Variants in ANO4 observed in about 807,000 individuals in gnomAD.
ANO4 encodes anoctamin-4.
A neutral mutation model predicts 141.9 loss-of-function variants in ANO4; 69 were observed. The observed-to-expected ratio is 0.49, with a 90% CI of 0.40 to 0.59. The LOEUF (loss-of-function observed/expected upper bound fraction) is 0.59. Among genes scored for constraint, ANO4 ranks in the 20% least tolerant of loss-of-function variants. The pLI, the probability that ANO4 is intolerant of heterozygous loss-of-function variation, is 0.00. For synonymous variants in ANO4, 350 were observed against 394.3 expected (o/e 0.89, Z 1.33); for missense variants, 894 against 1,162.2 (o/e 0.77, Z 3.36).
chr12:100,992,993 A>C (rs2136359593), intron 8 of ANO4, among the ~76,000 whole-genome samples: 1 of 152,206 alleles, frequency 6.6e-6, no homozygotes, highest in South Asian at 2.1e-4. Flanking sequence ...GGAATTCAAG[A>C]CCAGCCTAGG....
chr12:100,855,056 A>G (rs774048355), intron 1 of ANO4, among the ~76,000 whole-genome samples: 28 of 152,160 alleles, frequency 1.8e-4, no homozygotes, highest in Admixed American at 5.2e-4. Context: ...GTCTAAATCT[A>G]AAGTCCATTT....
intron 1 of ANO4, among the ~76,000 whole-genome samples, chr12:100,836,597 G>A (rs971973601): frequency 1.2e-4 from 18 of 150,316 alleles, no homozygotes; most frequent in African/African-American, 2.7e-4. Context: ...AGTGTGATAC[G>A]GGCTGTGATA....
chr12:101,009,839 A>G (rs1234527220), intron 8 of ANO4, among the ~76,000 whole-genome samples: 1 of 151,746 alleles, frequency 6.6e-6, no homozygotes, highest in Non-Finnish European at 1.5e-5. Flanking sequence ...TGGAATTCCT[A>G]TTTTTCAGTT....
chr12:100,800,706 G>A (rs1415074703), intron 1 of ANO4, among the ~76,000 whole-genome samples: 1 of 152,168 alleles, frequency 6.6e-6, no homozygotes, highest in African/African-American at 2.4e-5. Context: ...ATCTTAAACT[G>A]ACAGCCTGGA....
intron 26 of ANO4, among the ~76,000 whole-genome samples, chr12:101,124,166 G>T (rs2051210886): frequency 6.6e-6 from 1 of 152,110 alleles, no homozygotes; most frequent in Non-Finnish European, 1.5e-5. Flanking sequence ...CATTCTGACT[G>T]GTGTAAGATG....
At chr12:100,997,265 C>T (rs1455632522) in intron 8 of ANO4, among the ~76,000 whole-genome samples, 1 of 139,004 alleles carries the variant, frequency 7.2e-6, no homozygotes, top group African/African-American at 2.7e-5. Context: ...ACCCTGGAGG[C>T]GGAGGTTGCA....
intron 4 of ANO4, among the ~76,000 whole-genome samples, chr12:100,941,568 TTATC>T (rs1457160945): frequency 1.3e-5 from 2 of 152,170 alleles, no homozygotes. Context: ...TATAATTTAT[TTATC>T]TATTTATTGT....
intron 1 of ANO4, among the ~76,000 whole-genome samples, chr12:100,812,553 A>G (rs1309944058): frequency 6.6e-6 from 1 of 152,166 alleles, no homozygotes; most frequent in Non-Finnish European, 1.5e-5. Context: ...GAAGTAAAGA[A>G]GAGGTGGGAA....
At chr12:101,000,920 A>G (rs1191289371) in intron 8 of ANO4, among the ~76,000 whole-genome samples, 3 of 152,250 alleles carry the variant, frequency 2.0e-5, no homozygotes, top group Non-Finnish European at 4.4e-5. Flanking sequence ...ATCTGTAAAT[A>G]CATAGTTTGT....
chr12:100,922,261 A>G lies in ANO4; in HGVS notation c.91A>G (p.Met31Val). The G allele has an allele frequency of 6.5e-7, 1 of 1,533,290 alleles. No individual in the cohort carries two copies. Among genetic ancestry groups the G allele is most frequent in the East Asian group, 2.5e-5 (1 of 40,762 alleles). 95.0% of individuals were successfully genotyped at this position (1,533,290 alleles called of 1,614,324 possible). Residue 31 changes from methionine (M) to valine (V), a missense_variant, in exon 3 of 28, where the codon ATG (methionine) becomes GTG (valine). Met to Val is a conservative substitution (Grantham distance 21). Around this residue, in one of 2 missense-constraint regions of ANO4, gnomAD observed 257 missense variants for 253.0 expected, o/e 1.02. Coordinates refer to ENST00000392977, the MANE Select transcript of ANO4 (RefSeq NM_001286615.2). ...GGATTTGCAAGGCTACCAGCTGGAT[A>G]TGCAAATACTACCTGACGGGCCAAA... The part of the protein sequence containing the change: ...GVDLQGYQLD[M>V]QILPDGPKSD...
chr12:101,069,276 A>T, intron 14 of ANO4: 1 of 950,492 alleles, frequency 1.1e-6, no homozygotes, highest in Non-Finnish European at 1.7e-6. Flanking sequence ...TGTGAAAGAA[A>T]GCCAAACATC....
intron 5 of ANO4, among the ~76,000 whole-genome samples, chr12:100,956,385 C>G (rs548850004): frequency 2.0e-5 from 3 of 152,304 alleles, no homozygotes; most frequent in African/African-American, 7.2e-5. Flanking sequence ...AAAGAGTTTT[C>G]TAGAAGACCA....
chr12:100,854,074 A>G (rs529069346), intron 1 of ANO4, among the ~76,000 whole-genome samples: 1 of 152,136 alleles, frequency 6.6e-6, no homozygotes, highest in Non-Finnish European at 1.5e-5. Context: ...GTTCTGAGTG[A>G]TAAAATCTCT....
intron 1 of ANO4, among the ~76,000 whole-genome samples, chr12:100,818,192 T>G (rs577114999): frequency 1.4e-4 from 22 of 151,942 alleles, no homozygotes; most frequent in Non-Finnish European, 2.9e-4. Context: ...GTTATAATAA[T>G]AAGTATGAAT....
At chr12:101,117,799 G>C (rs537374081) in intron 25 of ANO4, among the ~76,000 whole-genome samples, 1 of 152,318 alleles carries the variant, frequency 6.6e-6, no homozygotes, top group South Asian at 2.1e-4. Flanking sequence ...TGGAGTCCTA[G>C]ATGCTTTGAC....
At chr12:100,996,837 TGATC>T (rs2045397100) in intron 8 of ANO4, among the ~76,000 whole-genome samples, 2 of 152,292 alleles carry the variant, frequency 1.3e-5, no homozygotes, top group South Asian at 4.1e-4. Flanking sequence ...AAGCCAGTAG[TGATC>T]AGCCAATCAA....
At chr12:100,809,552 G>A (rs2035270940) in intron 1 of ANO4, among the ~76,000 whole-genome samples, 1 of 152,188 alleles carries the variant, frequency 6.6e-6, no homozygotes, top group Non-Finnish European at 1.5e-5. Flanking sequence ...CAGGTGGGCA[G>A]ATCAGGGGAG....
chr12:101,009,562 A>G (rs142238264), intron 8 of ANO4, among the ~76,000 whole-genome samples: 73 of 152,266 alleles, frequency 4.8e-4, no homozygotes, highest in Admixed American at 1.2e-3. Flanking sequence ...TTAATATTCA[A>G]TATTCCTGCT....
intron 8 of ANO4, among the ~76,000 whole-genome samples, chr12:101,005,060 C>T (rs748958776): frequency 5.9e-5 from 9 of 152,142 alleles, no homozygotes; most frequent in Non-Finnish European, 7.3e-5. Context: ...AACAACTCAG[C>T]TCATATAAAA....
Sources: allele counts gnomAD v4.1 joint callset (sites outside exome capture counted in the v4.1 genomes callset), GRCh38; gene constraint gnomAD v4.1.1; regional missense constraint gnomAD v4.1.1; transcripts MANE v1.5; gene names NCBI Gene and HGNC (gene_info 2026-07-23, HGNC 2026-07-21).